The following RABL3 variants were observed in gnomAD, a reference collection of about 807,000 sequenced individuals.
The protein encoded by RABL3 is RAB, member of RAS oncogene family like 3.
A neutral mutation model predicts 31.8 loss-of-function variants in RABL3; 31 were observed. That is an observed-to-expected ratio of 0.97 (90% confidence interval 0.73 to 1.31). The LOEUF (loss-of-function observed/expected upper bound fraction) is 1.31, where lower values mean the gene tolerates loss of function less well. Among genes scored for constraint, RABL3 ranks in the 40% most tolerant of loss-of-function variants. The pLI, the probability that RABL3 is intolerant of heterozygous loss-of-function variation, is 0.00. For missense variants in RABL3, 263 were observed against 279.6 expected (o/e 0.94, Z 0.42); for synonymous variants, 97 against 99.9 (o/e 0.97, Z 0.18).
chr3:120,693,767 G>T (rs1376612384), intron 6 of RABL3, among the ~76,000 whole-genome samples: 2 of 152,166 alleles, frequency 1.3e-5, no homozygotes, highest in Non-Finnish European at 2.9e-5. Flanking sequence ...AATATTAACA[G>T]CTAGGAGAGC....
At chr3:120,742,414 G>A in intron 1 of RABL3, 48 bp downstream of exon 1, 2 of 1,577,314 alleles carry the variant, frequency 1.3e-6, no homozygotes, top group Non-Finnish European at 1.7e-6. Flanking sequence ...AGGGTTACTG[G>A]GTAACTCAAA....
chr3:120,736,413 C>T (rs572255788), intron 1 of RABL3, among the ~76,000 whole-genome samples: 2 of 152,256 alleles, frequency 1.3e-5, no homozygotes, highest in South Asian at 4.1e-4. Flanking sequence ...TTCCTCCATC[C>T]CTTTATTTTG....
At chr3:120,738,206 C>T (rs752428412) in intron 1 of RABL3, among the ~76,000 whole-genome samples, 4 of 152,226 alleles carry the variant, frequency 2.6e-5, no homozygotes, top group African/African-American at 9.6e-5. Flanking sequence ...TCATCAATGG[C>T]GGGCGCCCCT....
chr3:120,694,284 T>C, intron 5 of RABL3, 60 bp from the exon 6 acceptor site: 1 of 1,082,808 alleles, frequency 9.2e-7, no homozygotes, highest in Non-Finnish European at 1.4e-6. Context: ...TCGTTGCTAT[T>C]CATAACTTAT....
intron 3 of RABL3, among the ~76,000 whole-genome samples, chr3:120,707,730 CA>C (rs1383838870): frequency 1.3e-5 from 2 of 152,042 alleles, no homozygotes; most frequent in African/African-American, 2.4e-5. Flanking sequence ...AAAAGAATTA[CA>C]AAGGCCTAAG....
intron 5 of RABL3, among the ~76,000 whole-genome samples, chr3:120,694,540 C>T (rs1054637487): frequency 2.6e-5 from 4 of 151,996 alleles, no homozygotes; most frequent in Non-Finnish European, 5.9e-5. Flanking sequence ...ACTGGAGTGA[C>T]CTACCTACAT....
Position 120,686,379 on chromosome 3 carries a change from T to C in RABL3, c.*3444A>G, listed in dbSNP as rs549904883. On this transcript the variant is annotated 3_prime_UTR_variant, in exon 8 of 8. Transcript: ENST00000273375. ...CTATGGTGGGTGCTACTGCAAACTA[T>C]TGAAATGAGGACTCAGAAACTCTGA... Among the ~76,000 whole-genome samples the C allele has an allele frequency of 2.6e-5, 4 of 152,290 alleles. No homozygotes were observed. Among genetic ancestry groups the C allele is most frequent in the East Asian group, 1.9e-4 (1 of 5,184 alleles).
rs529519352 is a variant in RABL3 at position 120,719,891 on chromosome 3, A to G, written c.139-9982T>C. On this transcript the variant is annotated intron_variant, in intron 2 of 7. Coordinates refer to ENST00000273375, the MANE Select transcript of RABL3 (RefSeq NM_173825.5). ...TGAGAATGGACAGACTGCCTCCTCAAGTGGGTCCCTGACCCCCGAGTAGCC... is the reference window on the plus strand; with the variant it reads ...TGAGAATGGACAGACTGCCTCCTCAGGTGGGTCCCTGACCCCCGAGTAGCC... 1.6e-4 allele frequency among the ~76,000 whole-genome samples: 24 copies of G among 152,316 alleles called. No homozygotes were observed. The East Asian group carries it at 4.6e-3, about 29-fold the overall frequency.
At chr3:120,735,566 T>G (rs1207078324) in intron 1 of RABL3, among the ~76,000 whole-genome samples, 1 of 151,994 alleles carries the variant, frequency 6.6e-6, no homozygotes, top group East Asian at 1.9e-4. Flanking sequence ...CTGATCTTAG[T>G]TATTTCTTGC....
intron 1 of RABL3, among the ~76,000 whole-genome samples, chr3:120,733,329 T>C (rs1021493841): frequency 2.6e-5 from 4 of 152,224 alleles, no homozygotes; most frequent in Middle Eastern, 3.2e-3. Flanking sequence ...ATGAGCATTT[T>C]TTCATGTGTC....
intron 5 of RABL3, among the ~76,000 whole-genome samples, chr3:120,696,619 A>G (rs998378021): frequency 1.3e-5 from 2 of 151,816 alleles, no homozygotes; most frequent in Non-Finnish European, 1.5e-5. Flanking sequence ...ACACACACAC[A>G]CACACACACA....
chr3:120,694,514 T>A lies in RABL3; in HGVS notation c.535-290A>T, dbSNP rs372411974. ...CAAGATTACTAATATTTTACTAATA[T>A]CAAAACCAAGGTACTACTGGAGTGA... On this transcript the variant is annotated intron_variant, in intron 5 of 7. Coordinates refer to ENST00000273375, the MANE Select transcript of RABL3 (RefSeq NM_173825.5). Among the ~76,000 whole-genome samples, 124 of 152,184 alleles carry A rather than the reference T, an allele frequency of 8.1e-4. 1 individual carries two copies. The highest frequency in any genetic ancestry group is 2.8e-3 in the African/African-American group (118 of 41,532).
At chr3:120,740,593 C>T (rs1440916106) in intron 1 of RABL3, among the ~76,000 whole-genome samples, 1 of 152,076 alleles carries the variant, frequency 6.6e-6, no homozygotes, top group Non-Finnish European at 1.5e-5. Context: ...GTGAAACCCT[C>T]AAAATTTTAT....
chr3:120,728,590 A>AT (rs1426720059), intron 2 of RABL3, among the ~76,000 whole-genome samples: 4 of 152,170 alleles, frequency 2.6e-5, no homozygotes, highest in African/African-American at 9.7e-5. Context: ...ATTAGGAGAT[A>AT]TACCTAATGC....
intron 2 of RABL3, among the ~76,000 whole-genome samples, chr3:120,712,697 T>C (rs556070152): frequency 2.0e-5 from 3 of 152,298 alleles, no homozygotes; most frequent in South Asian, 4.1e-4. Context: ...GCACGGACCA[T>C]GTATTATTCA....
chr3:120,708,056 A>C (rs1349758110), intron 3 of RABL3, among the ~76,000 whole-genome samples: 1 of 152,076 alleles, frequency 6.6e-6, no homozygotes, highest in East Asian at 1.9e-4. Flanking sequence ...TATCGCTAAG[A>C]ATATGGACTG....
intron 2 of RABL3, among the ~76,000 whole-genome samples, chr3:120,717,345 T>C (rs1708683454): frequency 6.6e-6 from 1 of 151,462 alleles, no homozygotes; most frequent in Admixed American, 6.6e-5. Flanking sequence ...AAGCAAATCA[T>C]TTTCAGCCCA....
intron 1 of RABL3, among the ~76,000 whole-genome samples, chr3:120,737,288 T>C (rs977371095): frequency 1.3e-5 from 2 of 152,262 alleles, no homozygotes; most frequent in African/African-American, 4.8e-5. Context: ...CTTCCATCAC[T>C]GATACCCTTT....
chr3:120,740,947 T>C (rs372668284), intron 1 of RABL3, among the ~76,000 whole-genome samples: 71 of 152,330 alleles, frequency 4.7e-4, no homozygotes, highest in African/African-American at 1.6e-3. Flanking sequence ...ATCCCTGTTA[T>C]ATGACGCATT....
Sources: gnomAD v4.1 joint callset for allele counts (sites outside exome capture counted in the v4.1 genomes callset) on GRCh38, gnomAD v4.1.1 for gene constraint, MANE v1.5 for transcripts, NCBI Gene and HGNC (gene_info 2026-07-23, HGNC 2026-07-21) for gene names.